The following CTNNA2 variants were observed in gnomAD, a reference collection of about 807,000 sequenced individuals.
CTNNA2 encodes the protein catenin alpha-2.
A neutral mutation model predicts 101.0 loss-of-function variants in CTNNA2; 42 were observed. The observed-to-expected ratio is 0.42, with a 90% CI of 0.32 to 0.54. The LOEUF is 0.54. CTNNA2 is among the 20% of genes least tolerant of loss of function. The pLI, the probability that CTNNA2 is intolerant of heterozygous loss-of-function variation, is 0.14. For missense variants in CTNNA2, 871 were observed against 1,223.1 expected, an observed-to-expected ratio of 0.71 and a Z score of 4.29; for synonymous variants, 450 against 456.4, an observed-to-expected ratio of 0.99 and a Z score of 0.18.
intron 3 of CTNNA2, among the ~76,000 whole-genome samples, chr2:79,349,590 G>A (rs189669093): frequency 7.9e-4 from 120 of 152,280 alleles, no homozygotes; most frequent in African/African-American, 2.6e-3. Flanking sequence ...CTATAGATTA[G>A]ATACACCTAT....
chr2:80,184,260 A>C (rs962803444), intron 7 of CTNNA2, among the ~76,000 whole-genome samples: 4 of 152,162 alleles, frequency 2.6e-5, no homozygotes, highest in Non-Finnish European at 5.9e-5. Flanking sequence ...CAATCTTATT[A>C]ATTTTAGCAT....
At chr2:80,446,002 T>C (rs974277726) in intron 9 of CTNNA2, among the ~76,000 whole-genome samples, 26 of 152,188 alleles carry the variant, frequency 1.7e-4, no homozygotes, top group African/African-American at 6.3e-4. Context: ...GCCTCATACA[T>C]TGGCATTATG....
At chr2:79,376,945 T>A (rs1004793900) in intron 4 of CTNNA2, among the ~76,000 whole-genome samples, 4 of 152,234 alleles carry the variant, frequency 2.6e-5, no homozygotes, top group African/African-American at 9.7e-5. Flanking sequence ...GCAGTAATCA[T>A]ACGTGTGCGT....
chr2:79,384,386 C>G (rs1181688494), intron 4 of CTNNA2, among the ~76,000 whole-genome samples: 3 of 30,996 alleles, frequency 9.7e-5, no homozygotes, highest in African/African-American at 3.3e-4. Flanking sequence ...TTCTCTCTCT[C>G]TCTCTCTCTC....
At chr2:79,354,525 T>G (rs147884820) in intron 3 of CTNNA2, among the ~76,000 whole-genome samples, 1 of 152,298 alleles carries the variant, frequency 6.6e-6, no homozygotes, top group East Asian at 1.9e-4. Flanking sequence ...TCAGTTCCAT[T>G]TGTTCAATTT....
intron 11 of CTNNA2, among the ~76,000 whole-genome samples, chr2:80,553,571 T>G (rs565936142): frequency 6.6e-6 from 1 of 152,304 alleles, no homozygotes; most frequent in South Asian, 2.1e-4. Flanking sequence ...TCTAATATAA[T>G]TAACAGACGT....
intron 3 of CTNNA2, among the ~76,000 whole-genome samples, chr2:79,343,220 A>C (rs1573099832): frequency 6.6e-6 from 1 of 152,236 alleles, no homozygotes; most frequent in Admixed American, 6.5e-5. Flanking sequence ...TTAATGACAT[A>C]GGAAATTTAT....
At chr2:80,317,757 G>A (rs897654582) in intron 7 of CTNNA2, among the ~76,000 whole-genome samples, 1 of 152,106 alleles carries the variant, frequency 6.6e-6, no homozygotes, top group African/African-American at 2.4e-5. Context: ...TCATTAACAA[G>A]TTTCTCAAAC....
chr2:79,384,117 CT>C (rs1398299963), intron 4 of CTNNA2, among the ~76,000 whole-genome samples: 1 of 152,138 alleles, frequency 6.6e-6, no homozygotes, highest in Non-Finnish European at 1.5e-5. Flanking sequence ...GCTTCCCAAC[CT>C]CCCCAGGATT....
intron 7 of CTNNA2, among the ~76,000 whole-genome samples, chr2:79,999,073 A>T (rs1167587734): frequency 7.5e-6 from 1 of 133,312 alleles, no homozygotes; most frequent in African/African-American, 3.4e-5. Flanking sequence ...ATTCCATATT[A>T]AAAAAAAAAA....
chr2:79,470,983 C>A (rs1035048716), intron 4 of CTNNA2, among the ~76,000 whole-genome samples: 2 of 151,962 alleles, frequency 1.3e-5, no homozygotes, highest in African/African-American at 4.8e-5. Flanking sequence ...TATTTAGGAT[C>A]CATATTAAAG....
intron 7 of CTNNA2, among the ~76,000 whole-genome samples, chr2:79,962,276 A>G (rs1689693831): frequency 6.6e-6 from 1 of 152,254 alleles, no homozygotes; most frequent in Non-Finnish European, 1.5e-5. Context: ...TTCCTCATAG[A>G]TAGTGCCTTC....
At chr2:80,607,053 A>T (rs1293675534) in intron 16 of CTNNA2, among the ~76,000 whole-genome samples, 2 of 151,920 alleles carry the variant, frequency 1.3e-5, no homozygotes, top group Non-Finnish European at 2.9e-5. Flanking sequence ...AAATATAAAA[A>T]ATATCCCTTT....
chr2:79,482,118 A>G (rs971923788), intron 4 of CTNNA2, among the ~76,000 whole-genome samples: 2 of 152,204 alleles, frequency 1.3e-5, no homozygotes, highest in African/African-American at 2.4e-5. Context: ...ATTATAATGA[A>G]TGCTATAATG....
chr2:79,295,086 A>G (rs1675947038), intron 2 of CTNNA2, among the ~76,000 whole-genome samples: 1 of 152,132 alleles, frequency 6.6e-6, no homozygotes, highest in Non-Finnish European at 1.5e-5. Context: ...ATGGCTATTC[A>G]GAATATTCAC....
chr2:79,817,273 A>G (rs1237466970), intron 3 of CTNNA2, among the ~76,000 whole-genome samples: 2 of 147,602 alleles, frequency 1.4e-5, no homozygotes, highest in Admixed American at 6.8e-5. Flanking sequence ...CATTTTTCTG[A>G]TAACACAAAC....
intron 10 of CTNNA2, 30 bp from the exon 11 acceptor site, chr2:80,545,877 T>A (rs913429706): frequency 6.2e-7 from 1 of 1,608,576 alleles, no homozygotes; most frequent in East Asian, 2.2e-5. Flanking sequence ...TGTGTGGTCA[T>A]CATGTCCCTG....
chr2:80,312,602 G>C (rs1677697165), intron 7 of CTNNA2, among the ~76,000 whole-genome samples: 1 of 152,236 alleles, frequency 6.6e-6, no homozygotes, highest in South Asian at 2.1e-4. Context: ...AAGAATAAGA[G>C]AGCTGAACCT....
chr2:80,099,190 C>T (rs1700380138), intron 7 of CTNNA2, among the ~76,000 whole-genome samples: 1 of 152,026 alleles, frequency 6.6e-6, no homozygotes. Context: ...TTAAAAAACA[C>T]AGATTCATTA....
Sources: allele counts gnomAD v4.1 joint callset (sites outside exome capture counted in the v4.1 genomes callset), GRCh38; gene constraint gnomAD v4.1.1; transcripts MANE v1.5; gene names NCBI Gene and HGNC (gene_info 2026-07-23, HGNC 2026-07-21).